Variants in R3HCC1L observed in about 807,000 individuals in gnomAD.
R3HCC1L encodes the protein coiled-coil domain-containing protein R3HCC1L.
In R3HCC1L, 51 loss-of-function variants were observed where a neutral mutation model predicts 59.9. That is an observed-to-expected ratio of 0.85 (90% CI 0.68 to 1.07). The LOEUF (loss-of-function observed/expected upper bound fraction) is 1.07, where lower values mean the gene tolerates loss of function less well. R3HCC1L is among the 50% of genes least tolerant of loss of function. The pLI is 0.00. For synonymous variants in R3HCC1L, 322 were observed against 315.2 expected (o/e 1.02, Z -0.23); for missense variants, 965 against 933.0 (o/e 1.03, Z -0.45).
chr10:98,236,173 A>T lies in R3HCC1L; in HGVS notation c.2269+9A>T. The T allele has an allele frequency of 3.7e-6, 6 of 1,613,440 alleles. No homozygotes were observed. Among genetic ancestry groups the T allele is most frequent in the Non-Finnish European group, 5.1e-6 (6 of 1,179,692 alleles). On this transcript the variant is annotated intron_variant, in intron 9 of 9. Transcript: ENST00000298999. ...ACTGCAAGAAGCCAGAGGTGAGCTG[A>T]AAGGGTGGTGTTCTTCTCTAGGCCC...
At chr10:98,234,053 C>T (rs1389913388) in intron 6 of R3HCC1L, among the ~76,000 whole-genome samples, 1 of 151,922 alleles carries the variant, frequency 6.6e-6, no homozygotes, top group Admixed American at 6.6e-5. Context: ...TCCAGGTGAC[C>T]TTCCCTGCCT....
intron 5 of R3HCC1L, among the ~76,000 whole-genome samples, chr10:98,228,934 T>C (rs985684558): frequency 1.3e-5 from 2 of 152,224 alleles, no homozygotes; most frequent in African/African-American, 4.8e-5. Context: ...TTCTGTTCCA[T>C]TGGCCTGTAT....
intron 1 of R3HCC1L, among the ~76,000 whole-genome samples, chr10:98,150,486 G>C (rs551266291): frequency 8.6e-5 from 13 of 151,748 alleles, no homozygotes; most frequent in Non-Finnish European, 1.3e-4. Context: ...TTTGCTTAGT[G>C]ATTCTTTGTA....
intron 5 of R3HCC1L, among the ~76,000 whole-genome samples, chr10:98,227,703 G>C (rs953278042): frequency 6.6e-6 from 1 of 151,746 alleles, no homozygotes; most frequent in Non-Finnish European, 1.5e-5. Flanking sequence ...TTTACATTAG[G>C]TATATCTCCT....
At position 98,244,374 on chromosome 10, in the gene R3HCC1L, G is replaced by A; in HGVS notation, c.*216G>A. ...GAATCACCCTACTGTGGTGGGCGTA[G>A]TAGGGAGCCATCAGCTAGGAAGAAA... is the stretch of plus-strand genomic sequence containing the variant. On this transcript the variant is annotated 3_prime_UTR_variant, in exon 10 of 10. Coordinates refer to ENST00000298999, the MANE Select transcript of R3HCC1L (RefSeq NM_001351015.2). 1 of 432,370 alleles carries A rather than the reference G, an allele frequency of 2.3e-6. No individual in the cohort carries two copies. Among genetic ancestry groups the A allele is most frequent in the Non-Finnish European group, 4.2e-6 (1 of 238,258 alleles). 26.8% of individuals were successfully genotyped at this position (432,370 alleles called of 1,614,324 possible).
intron 1 of R3HCC1L, among the ~76,000 whole-genome samples, chr10:98,151,449 A>G (rs924564889): frequency 7.9e-5 from 12 of 152,240 alleles, no homozygotes; most frequent in Non-Finnish European, 1.5e-4. Context: ...GCAAATACTA[A>G]GAGCTCAGTA....
intron 9 of R3HCC1L, among the ~76,000 whole-genome samples, chr10:98,238,442 C>T (rs1857186337): frequency 6.6e-6 from 1 of 152,164 alleles, no homozygotes; most frequent in South Asian, 2.1e-4. Flanking sequence ...CCTCTCACTT[C>T]AGTTCTGAAG....
intron 1 of R3HCC1L, among the ~76,000 whole-genome samples, chr10:98,136,618 C>T (rs1459225418): frequency 6.6e-6 from 1 of 152,060 alleles, no homozygotes; most frequent in Non-Finnish European, 1.5e-5. Flanking sequence ...GGCAGATTGC[C>T]TGAGCTCAGG....
At chr10:98,196,203 A>G (rs540121900) in intron 4 of R3HCC1L, among the ~76,000 whole-genome samples, 28 of 152,146 alleles carry the variant, frequency 1.8e-4, no homozygotes, top group Admixed American at 7.2e-4. Flanking sequence ...AAAATTATTT[A>G]TCTATGCCTT....
chr10:98,190,585 T>G (rs1320666801), intron 4 of R3HCC1L, among the ~76,000 whole-genome samples: 1 of 152,152 alleles, frequency 6.6e-6, no homozygotes. Flanking sequence ...AGCCTTAAAT[T>G]GTAAAAAGTG....
rs905557002 is a variant in R3HCC1L, at chr10:98,193,994, A to G, written c.-14-14107A>G. On this transcript the variant is annotated intron_variant, in intron 4 of 9. Coordinates refer to ENST00000298999, the MANE Select transcript of R3HCC1L (RefSeq NM_001351015.2). ...AACAGATAAAACCATCCTAAAATTC[A>G]TATGGAATCTCAAAGGAGCCCAAAT... is the stretch of plus-strand genomic sequence containing the variant. 1.4e-4 allele frequency among the ~76,000 whole-genome samples: 22 copies of G among 152,162 alleles called. 1 individual carries two copies. Among genetic ancestry groups the G allele is most frequent in the Admixed American group, 1.4e-3 (22 of 15,274 alleles).
At chr10:98,227,720 A>G (rs990042716) in intron 5 of R3HCC1L, among the ~76,000 whole-genome samples, 22 of 151,688 alleles carry the variant, frequency 1.5e-4, no homozygotes, top group African/African-American at 4.6e-4. Context: ...TCCTAATGCT[A>G]TCCCTCCCCC....
intron 4 of R3HCC1L, among the ~76,000 whole-genome samples, chr10:98,205,996 A>G (rs1042325650): frequency 6.6e-6 from 1 of 152,134 alleles, no homozygotes; most frequent in Non-Finnish European, 1.5e-5. Flanking sequence ...TTTTATTTCT[A>G]ACAATTGGTT....
chr10:98,231,791 T>G, intron 6 of R3HCC1L, 104 bp downstream of exon 6: 1 of 1,217,306 alleles, frequency 8.2e-7, no homozygotes, highest in Middle Eastern at 2.8e-4. Context: ...GTTTTTCATA[T>G]TTTAGCATCA....
intron 4 of R3HCC1L, among the ~76,000 whole-genome samples, chr10:98,185,476 G>T (rs972772462): frequency 7.2e-5 from 11 of 152,188 alleles, no homozygotes; most frequent in Non-Finnish European, 1.6e-4. Flanking sequence ...GAACTGTGAT[G>T]CAGACCTAAA....
At chr10:98,158,475 A>G (rs1023790816) in intron 2 of R3HCC1L, among the ~76,000 whole-genome samples, 47 of 152,206 alleles carry the variant, frequency 3.1e-4, no homozygotes, top group African/African-American at 1.1e-3. Flanking sequence ...GAGTTCACCC[A>G]AATACCCAAA....
At chr10:98,135,054 C>T (rs1844407456) in intron 1 of R3HCC1L, among the ~76,000 whole-genome samples, 1 of 152,184 alleles carries the variant, frequency 6.6e-6, no homozygotes, top group Admixed American at 6.5e-5. Context: ...GTTACCCCCT[C>T]GGGGCTGCGG....
chr10:98,223,869 C>G (rs1222003046), intron 5 of R3HCC1L, among the ~76,000 whole-genome samples: 1 of 152,124 alleles, frequency 6.6e-6, no homozygotes, highest in Non-Finnish European at 1.5e-5. Context: ...TGGGTGTCAG[C>G]AGTGGCAGCA....
In R3HCC1L at chr10:98,209,517, A is replaced by G; in HGVS notation, c.1403A>G (p.Asp468Gly). 6.2e-7 allele frequency: 1 copy of G among 1,613,868 alleles called. No individual in the cohort carries two copies. Among genetic ancestry groups the G allele is most frequent in the South Asian group, 1.1e-5 (1 of 91,078 alleles). Residue 468 changes from aspartate (D) to glycine (G), a missense_variant, in exon 5 of 10, where the codon GAT (aspartate) becomes GGT (glycine). Physicochemically the swap from Asp to Gly is moderately conservative, Grantham distance 94. Transcript: ENST00000298999. ...GGAAAGTTGATAGAGAGCTTGTCAG[A>G]TTGTGCTTCCTCCTTACCTATAAAA... ...STGKLIESLS[D>G]CASSLPIKKI...
Sources: allele counts gnomAD v4.1 joint callset (sites outside exome capture counted in the v4.1 genomes callset), GRCh38; gene constraint gnomAD v4.1.1; transcripts MANE v1.5; gene names NCBI Gene and HGNC (gene_info 2026-07-23, HGNC 2026-07-21).